CPQ: variants seen among roughly 807,000 people sequenced by gnomAD.
CPQ encodes the protein Ser-Met dipeptidase.
Under a neutral mutation model 45.7 loss-of-function variants are expected in CPQ, and 37 were observed. The observed-to-expected ratio is 0.81, with a 90% confidence interval of 0.62 to 1.07. CPQ has a LOEUF of 1.07. CPQ is among the 50% of genes least tolerant of loss of function. The pLI is 0.00. For synonymous variants in CPQ, 186 were observed against 205.8 expected, an observed-to-expected ratio of 0.90 and a Z score of 0.82; for missense variants, 537 against 572.9, an observed-to-expected ratio of 0.94 and a Z score of 0.64.
At chr8:97,019,439 A>G (rs1019968645) in intron 5 of CPQ, among the ~76,000 whole-genome samples, 1 of 152,234 alleles carries the variant, frequency 6.6e-6, no homozygotes, top group Non-Finnish European at 1.5e-5. Flanking sequence ...ACAGAAATGC[A>G]GAATGGATAA....
chr8:97,075,216 A>G (rs1198013559), intron 7 of CPQ, among the ~76,000 whole-genome samples: 2 of 152,194 alleles, frequency 1.3e-5, no homozygotes, highest in Non-Finnish European at 2.9e-5. Flanking sequence ...ATGTACTATA[A>G]TGACCCATAA....
intron 1 of CPQ, among the ~76,000 whole-genome samples, chr8:96,766,831 G>A (rs150920670): frequency 9.2e-4 from 140 of 152,268 alleles, no homozygotes; most frequent in African/African-American, 3.2e-3. Flanking sequence ...CATTACTGAT[G>A]CAGGGAAGCA....
At chr8:97,123,024 T>TATAAAATA in intron 7 of CPQ, among the ~76,000 whole-genome samples, 1 of 26,408 alleles carries the variant, frequency 3.8e-5, no homozygotes, top group Non-Finnish European at 6.1e-5. Context: ...TAAAATAAAA[T>TATAAAATA]AAATAAAATA....
At chr8:96,757,211 C>T (rs545910671) in intron 1 of CPQ, among the ~76,000 whole-genome samples, 29 of 151,782 alleles carry the variant, frequency 1.9e-4, no homozygotes, top group Admixed American at 3.3e-4. Context: ...CTTAGCTGGG[C>T]GTCGTGGCGC....
At chr8:96,815,833 A>G (rs1020059946) in intron 2 of CPQ, among the ~76,000 whole-genome samples, 4 of 152,176 alleles carry the variant, frequency 2.6e-5, no homozygotes, top group African/African-American at 9.6e-5. Context: ...TATGTAGTCT[A>G]TTAAGTGTGT....
intron 1 of CPQ, among the ~76,000 whole-genome samples, chr8:96,677,502 G>T (rs938405194): frequency 1.3e-5 from 2 of 151,746 alleles, no homozygotes; most frequent in South Asian, 4.1e-4. Flanking sequence ...TGTCCTTTGT[G>T]CACTTTTTGA....
At chr8:96,743,296 G>C (rs915918158) in intron 1 of CPQ, among the ~76,000 whole-genome samples, 2 of 151,160 alleles carry the variant, frequency 1.3e-5, no homozygotes, top group African/African-American at 4.9e-5. Flanking sequence ...CATTCTTCAC[G>C]TAGTTCTCGA....
At chr8:97,069,421 A>G (rs1222220158) in intron 7 of CPQ, among the ~76,000 whole-genome samples, 1 of 151,350 alleles carries the variant, frequency 6.6e-6, no homozygotes, top group African/African-American at 2.4e-5. Flanking sequence ...GCTTGAGGCC[A>G]GGAGTTTAAG....
chr8:97,015,789 G>A (rs963885647), intron 5 of CPQ, among the ~76,000 whole-genome samples: 65 of 152,074 alleles, frequency 4.3e-4, no homozygotes, highest in African/African-American at 1.5e-3. Context: ...CAATAATAAG[G>A]GAGTAGCTAA....
chr8:96,817,612 CTT>C (rs111392702), intron 2 of CPQ, among the ~76,000 whole-genome samples: 1 of 145,262 alleles, frequency 6.9e-6, no homozygotes. Flanking sequence ...TGGACTAGCA[CTT>C]TTTTTTTTTT....
At chr8:97,004,610 A>G (rs1809347493) in intron 5 of CPQ, among the ~76,000 whole-genome samples, 1 of 152,162 alleles carries the variant, frequency 6.6e-6, no homozygotes, top group African/African-American at 2.4e-5. Flanking sequence ...AATCATTACA[A>G]TGTTATTTGT....
chr8:96,657,896 C>A (rs891860390), intron 1 of CPQ, among the ~76,000 whole-genome samples: 1 of 152,170 alleles, frequency 6.6e-6, no homozygotes, highest in Non-Finnish European at 1.5e-5. Flanking sequence ...CGTTTATATA[C>A]GTATGTCTCT....
intron 1 of CPQ, among the ~76,000 whole-genome samples, chr8:96,671,525 G>T (rs1411894434): frequency 1.3e-5 from 2 of 152,142 alleles, no homozygotes; most frequent in African/African-American, 4.8e-5. Flanking sequence ...TCAAATCCAT[G>T]TGAATTATGC....
At chr8:97,087,008 G>T (rs1433664087) in intron 7 of CPQ, among the ~76,000 whole-genome samples, 2 of 152,182 alleles carry the variant, frequency 1.3e-5, no homozygotes, top group African/African-American at 2.4e-5. Context: ...TTCAATGGAA[G>T]TTTTTAATAA....
chr8:97,125,829 C>A (rs915999601), intron 7 of CPQ, among the ~76,000 whole-genome samples: 14 of 152,134 alleles, frequency 9.2e-5, no homozygotes, highest in Admixed American at 8.5e-4. Flanking sequence ...CCGTTCTCAC[C>A]ACTTCTATTT....
chr8:96,802,421 A>G (rs1177264243), intron 2 of CPQ, among the ~76,000 whole-genome samples: 1 of 152,208 alleles, frequency 6.6e-6, no homozygotes, highest in Non-Finnish European at 1.5e-5. Context: ...AGTGGCTCCA[A>G]AAGAGTCAGT....
rs184723058 is a variant in CPQ, at chr8:97,079,143, T to G, written c.1255+12933T>G. On this transcript the variant is annotated intron_variant, in intron 7 of 7. Transcript: ENST00000220763. The stretch of plus-strand genomic sequence containing the variant: ...TGTTTTAAAACCTCCACTATTGATT[T>G]CTAAAATGTTTAAATGCTTATTTTC... 1.7e-3 allele frequency among the ~76,000 whole-genome samples: 253 copies of G among 152,226 alleles called. 3 individuals carry two copies. Among genetic ancestry groups the G allele is most frequent in the Admixed American group, 0.013 (196 of 15,278 alleles).
At chr8:96,844,808 T>C (rs2130855893) in intron 3 of CPQ, among the ~76,000 whole-genome samples, 1 of 152,316 alleles carries the variant, frequency 6.6e-6, no homozygotes, top group South Asian at 2.1e-4. Context: ...GTTCTGTTTA[T>C]CTCCCGATTT....
intron 1 of CPQ, among the ~76,000 whole-genome samples, chr8:96,722,911 C>T (rs1267376546): frequency 6.6e-6 from 1 of 152,122 alleles, no homozygotes; most frequent in African/African-American, 2.4e-5. Context: ...TCTCATAGCT[C>T]ATTGGCCAGA....
Sources: allele counts gnomAD v4.1 joint callset (sites outside exome capture counted in the v4.1 genomes callset), GRCh38; gene constraint gnomAD v4.1.1; transcripts MANE v1.5; gene names NCBI Gene and HGNC (gene_info 2026-07-23, HGNC 2026-07-21).